The following AFG1L variants were observed in gnomAD, a reference collection of about 807,000 sequenced individuals.
AFG1L encodes AFG1-like ATPase.
AFG1L carries 53 observed loss-of-function variants against 62.2 expected under a neutral mutation model. That is an observed-to-expected ratio of 0.85 (90% CI 0.68 to 1.07). AFG1L has a LOEUF of 1.07. AFG1L is among the 50% of genes least tolerant of loss of function. The pLI, the probability that AFG1L is intolerant of heterozygous loss-of-function variation, is 0.00. For missense variants in AFG1L, 555 were observed against 590.5 expected, an observed-to-expected ratio of 0.94 and a Z score of 0.62; for synonymous variants, 228 against 210.3, an observed-to-expected ratio of 1.08 and a Z score of -0.73.
At chr6:108,341,729 T>C (rs1778690443) in intron 2 of AFG1L, among the ~76,000 whole-genome samples, 1 of 152,130 alleles carries the variant, frequency 6.6e-6, no homozygotes, top group Non-Finnish European at 1.5e-5. Flanking sequence ...TATGAGCTTA[T>C]GATCTATCTG....
intron 3 of AFG1L, among the ~76,000 whole-genome samples, chr6:108,350,083 G>A (rs948275841): frequency 6.6e-6 from 1 of 151,072 alleles, no homozygotes; most frequent in Non-Finnish European, 1.5e-5. Context: ...TTAGCCGGGT[G>A]TGGTGGTGGG....
chr6:108,375,876 A>G (rs1780222302), intron 6 of AFG1L, among the ~76,000 whole-genome samples: 1 of 152,170 alleles, frequency 6.6e-6, no homozygotes, highest in South Asian at 2.1e-4. Context: ...AAATAGTTTC[A>G]GTAGAATTGG....
rs753392904 is a variant in AFG1L at position 108,519,828 on chromosome 6, A to C, written c.1317+18A>C. On this transcript the variant is annotated intron_variant, in intron 12 of 12. Transcript: ENST00000368977. ...TGAGCCAGGTAGGCGATATTAACAT[A>C]ATCTCTTTTTATTATAAAACAGCTT... 6.8e-7 allele frequency: 1 copy of C among 1,481,022 alleles called. No individual in the cohort carries two copies. The highest frequency in any genetic ancestry group is 1.4e-5 in the African/African-American group (1 of 71,454). The allele number at this position is 1,481,022 out of a possible 1,614,324, so 91.7% of individuals were successfully genotyped here. A position where few individuals can be genotyped will look rare whatever the true frequency, so the allele number is the denominator to read the frequency against.
Position 108,401,707 on chromosome 6 carries a change from A to G in AFG1L, c.749-289A>G, listed in dbSNP as rs906134107. 4.6e-5 allele frequency among the ~76,000 whole-genome samples: 7 copies of G among 152,072 alleles called. No homozygotes were observed. The East Asian group carries it at 9.7e-4, about 21-fold the overall frequency. ...TTCTCATATTGGGTTATTGATTTTG[A>G]ATTTTGGAAGTGATACTTTCCAAAT... is the stretch of plus-strand genomic sequence containing the variant. On this transcript the variant is annotated intron_variant, in intron 6 of 12. Transcript: ENST00000368977.
intron 11 of AFG1L, among the ~76,000 whole-genome samples, chr6:108,518,125 C>G (rs2114915310): frequency 6.6e-6 from 1 of 152,296 alleles, no homozygotes; most frequent in East Asian, 1.9e-4. Context: ...ACTAGAAATA[C>G]CATTTGACCC....
intron 2 of AFG1L, among the ~76,000 whole-genome samples, chr6:108,337,872 C>T (rs538940999): frequency 4.6e-5 from 7 of 152,252 alleles, no homozygotes; most frequent in African/African-American, 1.4e-4. Context: ...GTTTTTGTTA[C>T]TAAATCCTCA....
intron 7 of AFG1L, among the ~76,000 whole-genome samples, chr6:108,433,305 A>G (rs1018527355): frequency 1.5e-4 from 23 of 152,028 alleles, no homozygotes; most frequent in African/African-American, 5.1e-4. Context: ...TGAGAGACAG[A>G]GTCTTGCTCA....
intron 1 of AFG1L, among the ~76,000 whole-genome samples, chr6:108,323,459 G>T (rs911903096): frequency 3.9e-5 from 6 of 152,056 alleles, no homozygotes; most frequent in African/African-American, 1.4e-4. Context: ...TGCCTCCCAG[G>T]TTCAAGCAAT....
intron 3 of AFG1L, among the ~76,000 whole-genome samples, chr6:108,347,909 G>GT (rs1404450375): frequency 6.6e-6 from 1 of 151,944 alleles, no homozygotes; most frequent in African/African-American, 2.4e-5. Flanking sequence ...ACATTCACAT[G>GT]TAACGAGGTC....
intron 7 of AFG1L, among the ~76,000 whole-genome samples, chr6:108,437,443 A>C (rs1273735520): frequency 1.3e-5 from 2 of 152,116 alleles, no homozygotes; most frequent in East Asian, 3.9e-4. Flanking sequence ...CTGTGAGTAT[A>C]TGGTGTTGTG....
intron 8 of AFG1L, among the ~76,000 whole-genome samples, chr6:108,457,534 ATAT>A (rs1772298603): frequency 1.3e-5 from 2 of 151,662 alleles, no homozygotes; most frequent in East Asian, 3.9e-4. Context: ...TTATTATATA[ATAT>A]TATTATATGC....
intron 2 of AFG1L, among the ~76,000 whole-genome samples, chr6:108,345,406 C>G (rs1435131612): frequency 1.3e-5 from 2 of 152,012 alleles, no homozygotes; most frequent in Non-Finnish European, 2.9e-5. Context: ...GTTGTCCAGG[C>G]TGGAGTGCAG....
In AFG1L at chr6:108,295,129, G is replaced by C. The variant is rs367995474; in HGVS notation, c.50G>C (p.Ser17Thr). 3.7e-6 allele frequency: 6 copies of C among 1,611,184 alleles called. No individual in the cohort carries two copies. In the African/African-American group the frequency reaches 8.0e-5, roughly 21 times the overall value. Residue 17 changes from serine (S) to threonine (T), a missense_variant, in exon 1 of 13, where the codon AGC becomes ACC. Transcript: ENST00000368977. ...GTTACCCTGCGCCCCTTAGCACAGA[G>C]CCCGCTGAGAGGGAGATGTGTTGGG... ...LLVTLRPLAQ[S>T]PLRGRCVGCG...
At chr6:108,488,633 A>C (rs1302872430) in intron 10 of AFG1L, among the ~76,000 whole-genome samples, 3 of 151,932 alleles carry the variant, frequency 2.0e-5, no homozygotes, top group Non-Finnish European at 4.4e-5. Context: ...TGGGCAGGGC[A>C]GATTGCCTGA....
intron 7 of AFG1L, among the ~76,000 whole-genome samples, chr6:108,420,437 T>G (rs1283809067): frequency 6.7e-6 from 1 of 148,528 alleles, no homozygotes; most frequent in African/African-American, 2.4e-5. Context: ...TATTTAATAT[T>G]AAATATATTA....
intron 10 of AFG1L, among the ~76,000 whole-genome samples, chr6:108,489,050 AAGT>A (rs1254989414): frequency 1.3e-5 from 2 of 152,212 alleles, no homozygotes; most frequent in African/African-American, 4.8e-5. Flanking sequence ...AGCAGGGAGA[AAGT>A]AGAGCACAGC....
intron 3 of AFG1L, among the ~76,000 whole-genome samples, chr6:108,354,701 C>T (rs1779201304): frequency 6.6e-6 from 1 of 151,954 alleles, no homozygotes; most frequent in African/African-American, 2.4e-5. Flanking sequence ...GATTTATGTC[C>T]TGGGTGGGAT....
chr6:108,484,939 T>TA (rs1773483271), intron 10 of AFG1L, among the ~76,000 whole-genome samples: 1 of 152,220 alleles, frequency 6.6e-6, no homozygotes, highest in Non-Finnish European at 1.5e-5. Flanking sequence ...TTTTTTTTTA[T>TA]ATCTTACTAT....
At position 108,369,600 on chromosome 6, in the gene AFG1L, T is replaced by G. The variant is rs1315467593; in HGVS notation, c.748+3268T>G. 5.3e-5 allele frequency among the ~76,000 whole-genome samples: 8 copies of G among 152,006 alleles called. No individual in the cohort carries two copies. In the East Asian group the frequency reaches 1.5e-3, roughly 29 times the overall value. Reference sequence around the variant, plus strand: ...TCCAGCCATCAAAATGCGTTCAACTTTTTTTAGGTCACAATTTTTTTTTTT... The same window carrying G: ...TCCAGCCATCAAAATGCGTTCAACTGTTTTTAGGTCACAATTTTTTTTTTT... On this transcript the variant is annotated intron_variant, in intron 6 of 12. Coordinates refer to ENST00000368977, the MANE Select transcript of AFG1L (RefSeq NM_145315.5).
Sources: gnomAD v4.1 joint callset for allele counts (sites outside exome capture counted in the v4.1 genomes callset) on GRCh38, gnomAD v4.1.1 for gene constraint, MANE v1.5 for transcripts, NCBI Gene and HGNC (gene_info 2026-07-23, HGNC 2026-07-21) for gene names.